The following TUSC3 variants were observed in gnomAD, a reference collection of about 807,000 sequenced individuals.
TUSC3 encodes dolichyl-diphosphooligosaccharide--protein glycosyltransferase subunit TUSC3.
Under a neutral mutation model 44.8 loss-of-function variants are expected in TUSC3, and 45 were observed. That is an observed-to-expected ratio of 1.00 (90% CI 0.79 to 1.29). TUSC3 has a LOEUF of 1.29. Among genes scored for constraint, TUSC3 ranks in the 50% most tolerant of loss-of-function variants. The pLI is 0.00. For synonymous variants in TUSC3, 212 were observed against 152.9 expected (o/e 1.39, Z -2.85); for missense variants, 519 against 437.9 (o/e 1.19, Z -1.65).
downstream of TUSC3, among the ~76,000 whole-genome samples, chr8:15,769,264 C>T (rs1812400476): frequency 6.6e-6 from 1 of 152,120 alleles, no homozygotes; most frequent in Non-Finnish European, 1.5e-5. Context: ...ACAGAGGCCT[C>T]AGAAATAATA....
the TUSC3 span, among the ~76,000 whole-genome samples, chr8:15,815,397 A>C: frequency 6.6e-6 from 1 of 152,178 alleles, no homozygotes; most frequent in African/African-American, 2.4e-5. Context: ...AGTGATATTT[A>C]GTCTTAAAAA....
At chr8:15,670,470 T>G (rs1807897599) in intron 5 of TUSC3, among the ~76,000 whole-genome samples, 1 of 151,804 alleles carries the variant, frequency 6.6e-6, no homozygotes, top group Non-Finnish European at 1.5e-5. Context: ...TGATAAATAT[T>G]GCCGAGCCAA....
At chr8:15,451,340 G>A (rs577054572) in intron 1 of TUSC3, among the ~76,000 whole-genome samples, 1 of 152,202 alleles carries the variant, frequency 6.6e-6, no homozygotes, top group East Asian at 1.9e-4. Flanking sequence ...CTCCTGGGTA[G>A]CTCAGATCAA....
intron 2 of TUSC3, among the ~76,000 whole-genome samples, chr8:15,499,446 C>T (rs1800928084): frequency 6.6e-6 from 1 of 152,154 alleles, no homozygotes; most frequent in Non-Finnish European, 1.5e-5. Flanking sequence ...CCTCTGACCT[C>T]AGCAATCAGG....
At chr8:15,631,465 T>C (rs927576969) in intron 2 of TUSC3, among the ~76,000 whole-genome samples, 2 of 152,252 alleles carry the variant, frequency 1.3e-5, no homozygotes, top group South Asian at 4.2e-4. Flanking sequence ...TTACAGAAAA[T>C]TGAAACTAGT....
chr8:15,639,857 T>A (rs527645000), intron 2 of TUSC3, among the ~76,000 whole-genome samples: 1 of 148,656 alleles, frequency 6.7e-6, no homozygotes, highest in African/African-American at 2.5e-5. Context: ...TCAGATATAG[T>A]CCTTTCTTGT....
the TUSC3 span, among the ~76,000 whole-genome samples, chr8:15,828,949 A>G: frequency 1.3e-4 from 20 of 152,188 alleles, no homozygotes; most frequent in Non-Finnish European, 2.4e-4. Flanking sequence ...TTTAAATGGC[A>G]CTTTCCTCTG....
At chr8:15,775,711 T>A in the TUSC3 span, among the ~76,000 whole-genome samples, 1 of 145,952 alleles carries the variant, frequency 6.9e-6, no homozygotes, top group African/African-American at 2.5e-5. Context: ...TATATACATA[T>A]ATATACACAC....
the TUSC3 span, among the ~76,000 whole-genome samples, chr8:15,789,272 C>T: frequency 6.6e-6 from 1 of 152,114 alleles, no homozygotes; most frequent in African/African-American, 2.4e-5. Context: ...GTTCAGTGTA[C>T]CGTAATATGG....
chr8:15,661,480 T>C (rs1349651426), intron 4 of TUSC3, among the ~76,000 whole-genome samples: 1 of 152,022 alleles, frequency 6.6e-6, no homozygotes, highest in East Asian at 1.9e-4. Context: ...TGACTTCTGC[T>C]CATGCATCCT....
At chr8:15,543,871 G>A (rs1239896175) in intron 1 of TUSC3, among the ~76,000 whole-genome samples, 2 of 151,228 alleles carry the variant, frequency 1.3e-5, no homozygotes, top group Admixed American at 6.6e-5. Flanking sequence ...CCCAGGAAGA[G>A]ATTTGGTATC....
At chr8:15,688,674 A>G (rs1808751005) in intron 6 of TUSC3, among the ~76,000 whole-genome samples, 1 of 152,118 alleles carries the variant, frequency 6.6e-6, no homozygotes, top group Non-Finnish European at 1.5e-5. Flanking sequence ...GCACAAAAGC[A>G]CACGTTGAGG....
intron 1 of TUSC3, among the ~76,000 whole-genome samples, chr8:15,558,872 T>G (rs1295858289): frequency 3.3e-5 from 5 of 151,268 alleles, no homozygotes; most frequent in African/African-American, 1.2e-4. Flanking sequence ...TCATTTTTTA[T>G]TGCGTCTGTT....
chr8:15,665,325 C>A (rs1225482347), intron 5 of TUSC3, among the ~76,000 whole-genome samples: 1 of 151,466 alleles, frequency 6.6e-6, no homozygotes, highest in Non-Finnish European at 1.5e-5. Flanking sequence ...TGGCCCCATG[C>A]TGACTTTTTA....
At chr8:15,510,338 T>C (rs1407380389) in intron 2 of TUSC3, among the ~76,000 whole-genome samples, 2 of 151,990 alleles carry the variant, frequency 1.3e-5, no homozygotes, top group East Asian at 3.9e-4. Flanking sequence ...ATACAATTGA[T>C]AAAGTTCTAA....
intron 6 of TUSC3, among the ~76,000 whole-genome samples, chr8:15,699,553 G>A (rs1405168744): frequency 6.6e-6 from 1 of 152,114 alleles, no homozygotes; most frequent in East Asian, 1.9e-4. Flanking sequence ...GTTTGCTCCA[G>A]GAAAAAGATT....
At chr8:15,481,995 C>G (rs1344113823) in intron 1 of TUSC3, among the ~76,000 whole-genome samples, 1 of 152,192 alleles carries the variant, frequency 6.6e-6, no homozygotes, top group Non-Finnish European at 1.5e-5. Context: ...TCAATCTTCT[C>G]CAATCCAGCT....
the TUSC3 span, among the ~76,000 whole-genome samples, chr8:15,793,764 T>C: frequency 6.6e-6 from 1 of 152,202 alleles, no homozygotes; most frequent in Middle Eastern, 3.2e-3. Context: ...GAACAACACC[T>C]GGCACATATA....
chr8:15,783,052 C>A, the TUSC3 span, among the ~76,000 whole-genome samples: 2 of 152,224 alleles, frequency 1.3e-5, no homozygotes, highest in East Asian at 3.9e-4. Flanking sequence ...TCACCATTTC[C>A]ATACACTAAC....
Sources: gnomAD v4.1 joint callset for allele counts (sites outside exome capture counted in the v4.1 genomes callset) on GRCh38, gnomAD v4.1.1 for gene constraint, MANE v1.5 for transcripts, NCBI Gene and HGNC (gene_info 2026-07-23, HGNC 2026-07-21) for gene names.